The following UBE2Z variants were observed in gnomAD, a reference collection of about 807,000 sequenced individuals.
UBE2Z encodes the protein ubiquitin-conjugating enzyme E2 Z.
UBE2Z carries 10 observed loss-of-function variants against 32.6 expected under a neutral mutation model. The ratio of observed to expected loss-of-function variants is 0.31; its 90% confidence interval spans 0.19 to 0.52. UBE2Z has a LOEUF of 0.52. Ranked by LOEUF, UBE2Z falls within the 20% of genes least tolerant of loss-of-function variation. The probability of loss-of-function intolerance (pLI) is 0.97; values close to 1 mark genes in which losing one functional copy is unlikely to be tolerated. For missense variants in UBE2Z, 343 were observed against 480.9 expected (o/e 0.71, Z 2.68); for synonymous variants, 183 against 190.8 (o/e 0.96, Z 0.34).
chr17:48,920,588 G>A (rs143664847), intron 4 of UBE2Z, among the ~76,000 whole-genome samples: 93 of 151,986 alleles, frequency 6.1e-4, no homozygotes, highest in African/African-American at 1.9e-3. Context: ...TGGGAGGATC[G>A]CTAGAGCCCA....
chr17:48,916,090 C>G lies in UBE2Z; in HGVS notation c.593C>G (p.Pro198Arg). 2 of 1,589,472 alleles carry G rather than the reference C, an allele frequency of 1.3e-6. No homozygotes were observed. The highest frequency in any genetic ancestry group is 1.7e-6 in the Non-Finnish European group (2 of 1,171,242). Residue 198 changes from proline to arginine, a missense_variant, in exon 4 of 7, where the codon CCT becomes CGT. Around this residue, in one of 4 missense-constraint regions of UBE2Z, gnomAD observed 182 missense variants for 312.4 expected, o/e 0.58. Transcript: ENST00000360943. ...TGTGTTTACAGTACATGGACTGGAC[C>G]TGCCTGGAGCCCAGCCCAGAGCATC... ...CLSILGTWTG[P>R]AWSPAQSISS...
intron 3 of UBE2Z, among the ~76,000 whole-genome samples, chr17:48,914,987 C>T (rs2040709055): frequency 1.3e-5 from 2 of 152,126 alleles, no homozygotes; most frequent in South Asian, 2.1e-4. Context: ...CGCCACTGCA[C>T]TCCAGCCTGG....
chr17:48,918,775 C>G (rs1235860713), intron 4 of UBE2Z, among the ~76,000 whole-genome samples: 1 of 133,856 alleles, frequency 7.5e-6, no homozygotes, highest in African/African-American at 2.7e-5. Flanking sequence ...GAGGCAGACT[C>G]TCACTCTGTC....
chr17:48,914,188 G>A (rs1326472310), intron 3 of UBE2Z, among the ~76,000 whole-genome samples: 2 of 152,188 alleles, frequency 1.3e-5, no homozygotes, highest in African/African-American at 4.8e-5. Flanking sequence ...AAAACTCAGT[G>A]TGGACATCTT....
Position 48,927,212 on chromosome 17 carries a change from A to G in UBE2Z, c.*78A>G, listed in dbSNP as rs1203609997. On this transcript the variant is annotated 3_prime_UTR_variant, in exon 7 of 7. Transcript: ENST00000360943. ...CCCCCCACCCCAGGGATGGAGAGGC[A>G]CTGTGTATCTCCCTCCAGACTCGAA... is the stretch of plus-strand genomic sequence containing the variant. 7 of 1,454,000 alleles carry G rather than the reference A, an allele frequency of 4.8e-6. No homozygotes were observed. The Admixed American group carries it at 1.3e-4, about 27-fold the overall frequency. The allele number at this position is 1,454,000 out of a possible 1,614,324, so 90.1% of individuals were successfully genotyped here.
At chr17:48,910,923 G>T in intron 2 of UBE2Z, 43 bp downstream of exon 2, 1 of 1,509,966 alleles carries the variant, frequency 6.6e-7, no homozygotes, top group Non-Finnish European at 9.2e-7. Context: ...GGGAAATTGG[G>T]GGCCATAAGG....
chr17:48,922,536 A>T (rs1393975020), intron 5 of UBE2Z, among the ~76,000 whole-genome samples: 1 of 152,166 alleles, frequency 6.6e-6, no homozygotes, highest in Non-Finnish European at 1.5e-5. Flanking sequence ...TGGGAGGCCG[A>T]CGCAGGCAGA....
In UBE2Z at chr17:48,908,572, C is replaced by T. The variant is rs2040646745; in HGVS notation, c.69C>T (p.Ser23=). 2.4e-6 allele frequency: 3 copies of T among 1,239,322 alleles called. No homozygotes were observed. Among genetic ancestry groups the T allele is most frequent in the African/African-American group, 1.6e-5 (1 of 64,224 alleles). 76.8% of individuals were successfully genotyped at this position (1,239,322 alleles called of 1,614,324 possible). Residue 23 remains serine, a synonymous_variant, in exon 1 of 7, where the codon AGC becomes AGT. Coordinates refer to ENST00000360943, the MANE Select transcript of UBE2Z (RefSeq NM_023079.5). ...GAGAAGPGAS[S]VAGVVGVSGS... ...GGGCGGCGGGCCCCGGGGCGAGCAG[C>T]GTTGCTGGTGTTGTTGGCGTTAGCG...
At chr17:48,921,516 G>A (rs1248097150) in intron 5 of UBE2Z, among the ~76,000 whole-genome samples, 5 of 152,232 alleles carry the variant, frequency 3.3e-5, no homozygotes, top group African/African-American at 1.2e-4. Context: ...CCAGTTTGAT[G>A]AAGGCTTGGA....
Position 48,908,635 on chromosome 17 carries a change from T to G in UBE2Z, c.132T>G (p.Asp44Glu). The change falls in exon 1 of 7, where the codon GAT (aspartate) becomes GAG (glutamate). Residue 44 changes from aspartate to glutamate, a missense_variant. Coordinates refer to ENST00000360943, the MANE Select transcript of UBE2Z (RefSeq NM_023079.5). The stretch of plus-strand genomic sequence containing the variant: ...GGTTCGGGCCGCCTTTCCTGCCGGA[T>G]GTGTGGGCGGCGGCGGCGGCAGCGG... ...GGGFGPPFLP[D>E]VWAAAAAAGG... is the part of the protein sequence containing the mutation. 8.1e-7 allele frequency: 1 copy of G among 1,230,852 alleles called. No individual in the cohort carries two copies. Among genetic ancestry groups the G allele is most frequent in the Non-Finnish European group, 1.0e-6 (1 of 985,044 alleles). The allele number at this position is 1,230,852 out of a possible 1,614,324, so 76.2% of individuals were successfully genotyped here. A position where few individuals can be genotyped will look rare whatever the true frequency, so the allele number is the denominator to read the frequency against.
intron 6 of UBE2Z, chr17:48,923,201 G>A (rs969703655): frequency 7.8e-6 from 2 of 255,758 alleles, no homozygotes; most frequent in Non-Finnish European, 1.6e-5. Context: ...TGTACCTGTA[G>A]TCCCATCTAC....
chr17:48,920,194 A>T (rs1216642909), intron 4 of UBE2Z, among the ~76,000 whole-genome samples: 25 of 152,006 alleles, frequency 1.6e-4, no homozygotes, highest in Non-Finnish European at 3.1e-4. Context: ...CCTCTTAAAA[A>T]TTTTTTAAAT....
At position 48,908,414 on chromosome 17, in the gene UBE2Z, C is replaced by T. The variant is rs1369753748; in HGVS notation, c.-90C>T. On this transcript the variant is annotated 5_prime_UTR_variant, in exon 1 of 7. Transcript: ENST00000360943. ...AGCGGAGGGGGTGGGGACACTCTGG[C>T]CCGGTTCTCGGTGGTGCGGGAGCGG... 1.8e-6 allele frequency: 2 copies of T among 1,140,226 alleles called. No individual in the cohort carries two copies. The highest frequency in any genetic ancestry group is 2.2e-6 in the Non-Finnish European group (2 of 908,706). The allele number at this position is 1,140,226 out of a possible 1,614,324, so 70.6% of individuals were successfully genotyped here.
chr17:48,909,005 A>T, intron 1 of UBE2Z, 185 bp downstream of exon 1: 1 of 252,222 alleles, frequency 4.0e-6, no homozygotes, highest in Non-Finnish European at 7.4e-6. Context: ...CCACCCTCAG[A>T]CCCGCAAGCA....
chr17:48,916,254 TTTTG>T, intron 4 of UBE2Z, 67 bp downstream of exon 4: 2 of 809,590 alleles, frequency 2.5e-6, no homozygotes, highest in Non-Finnish European at 3.6e-6. Context: ...TGGTTGGTTT[TTTTG>T]TTTTTTTTTT....
intron 5 of UBE2Z, 22 bp downstream of exon 5, chr17:48,921,294 T>C: frequency 6.3e-7 from 1 of 1,585,672 alleles, no homozygotes; most frequent in Non-Finnish European, 8.6e-7. Context: ...GCGGGCTTGC[T>C]TGGTATTCCT....
chr17:48,920,115 G>A (rs533058239), intron 4 of UBE2Z, among the ~76,000 whole-genome samples: 1 of 152,194 alleles, frequency 6.6e-6, no homozygotes, highest in South Asian at 2.1e-4. Flanking sequence ...TTGAGCCCAG[G>A]AATTCGAGGC....
chr17:48,916,258 G>GTTTTTGTTTTT, intron 4 of UBE2Z, 71 bp downstream of exon 4: 1 of 415,732 alleles, frequency 2.4e-6, no homozygotes, highest in East Asian at 5.5e-5. Context: ...TGGTTTTTTT[G>GTTTTTGTTTTT]TTTTTTTTTT....
chr17:48,912,260 G>C (rs1257350144), intron 2 of UBE2Z: 1 of 153,936 alleles, frequency 6.5e-6, no homozygotes, highest in Admixed American at 6.4e-5. Flanking sequence ...TGTGTTACTG[G>C]CACTGGGCTG....
Sources: allele counts gnomAD v4.1 joint callset (sites outside exome capture counted in the v4.1 genomes callset), GRCh38; gene constraint gnomAD v4.1.1; regional missense constraint gnomAD v4.1.1; transcripts MANE v1.5; gene names NCBI Gene and HGNC (gene_info 2026-07-23, HGNC 2026-07-21).